RBFOX1: variants seen among roughly 807,000 people sequenced by gnomAD.
RBFOX1 encodes the protein RNA binding protein fox-1 homolog 1.
A neutral mutation model predicts 57.7 loss-of-function variants in RBFOX1; 8 were observed. The ratio of observed to expected loss-of-function variants is 0.14; its 90% CI spans 0.08 to 0.25. RBFOX1 has a LOEUF of 0.25. Ranked by LOEUF, RBFOX1 falls within the 10% of genes least tolerant of loss-of-function variation. The probability of loss-of-function intolerance (pLI) is 1.00; values close to 1 mark genes in which losing one functional copy is unlikely to be tolerated. For missense variants in RBFOX1, 611 were observed against 548.5 expected, an observed-to-expected ratio of 1.11 and a Z score of -1.14; for synonymous variants, 326 against 222.4, an observed-to-expected ratio of 1.47 and a Z score of -4.15.
intron 9 of RBFOX1, among the ~76,000 whole-genome samples, chr16:7,604,291 G>A (rs2095189987): frequency 6.6e-6 from 1 of 152,106 alleles, no homozygotes; most frequent in Non-Finnish European, 1.5e-5. Context: ...CAGTGGGAGT[G>A]GAGTAGCCTT....
rs560987679 is a variant in RBFOX1, at chr16:7,443,381, A to G, written c.28-74766A>G. 3.3e-5 allele frequency among the ~76,000 whole-genome samples: 5 copies of G among 151,630 alleles called. No individual in the cohort carries two copies. The East Asian group carries it at 5.9e-4, about 18-fold the overall frequency. ...TCCTGTCTCACACACTCTCTTTCAC[A>G]TTAATCATGTAATTGATTTAATAAG... On this transcript the variant is annotated intron_variant, in intron 4 of 15. Transcript: ENST00000550418.
intron 3 of RBFOX1, among the ~76,000 whole-genome samples, chr16:6,738,905 CT>C (rs2071236316): frequency 6.6e-6 from 1 of 152,050 alleles, no homozygotes; most frequent in Non-Finnish European, 1.5e-5. Flanking sequence ...AAAATGAAGT[CT>C]CATAATACAT....
chr16:5,961,167 G>C (rs1269428201), intron 4 of RBFOX1, among the ~76,000 whole-genome samples: 1 of 137,688 alleles, frequency 7.3e-6, no homozygotes, highest in East Asian at 2.1e-4. Flanking sequence ...AGAATTTTGA[G>C]CCTTTTTTTC....
At chr16:6,292,675 G>A (rs1029185682) in intron 1 of RBFOX1, among the ~76,000 whole-genome samples, 3 of 152,098 alleles carry the variant, frequency 2.0e-5, no homozygotes, top group South Asian at 4.1e-4. Flanking sequence ...CCTTCTAGGC[G>A]AATTGTTATA....
At chr16:5,527,216 GA>G (rs1231461596) in intron 2 of RBFOX1, among the ~76,000 whole-genome samples, 16 of 152,280 alleles carry the variant, frequency 1.1e-4, no homozygotes, top group African/African-American at 3.6e-4. Flanking sequence ...TCCTGATGAG[GA>G]CCCGCGATGG....
chr16:5,591,416 T>G (rs950060734), intron 2 of RBFOX1, among the ~76,000 whole-genome samples: 20 of 152,208 alleles, frequency 1.3e-4, no homozygotes, highest in African/African-American at 4.3e-4. Flanking sequence ...TGTGCTCGGT[T>G]AATTTTGTGT....
At chr16:7,344,508 A>T (rs1484076403) in intron 4 of RBFOX1, among the ~76,000 whole-genome samples, 1 of 150,952 alleles carries the variant, frequency 6.6e-6, no homozygotes. Context: ...ATAATTATAT[A>T]TAATGATTAG....
intron 4 of RBFOX1, among the ~76,000 whole-genome samples, chr16:5,973,827 C>G (rs574308254): frequency 6.6e-6 from 1 of 152,230 alleles, no homozygotes; most frequent in East Asian, 1.9e-4. Context: ...AATTATGTTC[C>G]ACATACTTGG....
rs79781440 is a variant in RBFOX1, at chr16:6,415,263, A to T, written c.-64+98206A>T. Among the ~76,000 whole-genome samples the T allele has an allele frequency of 0.018, 2,304 of 128,030 alleles. 157 individuals carry two copies. The East Asian group carries it at 0.25, about 14-fold the overall frequency. 84.0% of individuals were successfully genotyped at this position (128,030 alleles called of 152,430 possible). On this transcript the variant is annotated intron_variant, in intron 2 of 15. Transcript: ENST00000550418. ...GTCACAAAAAAAAAAAAAAAAAAAA[A>T]AAATAGCGTTCAGGTTGAGAAATCC... is the stretch of plus-strand genomic sequence containing the variant.
intron 2 of RBFOX1, among the ~76,000 whole-genome samples, chr16:6,399,435 C>G (rs2092977209): frequency 6.6e-6 from 1 of 152,210 alleles, no homozygotes; most frequent in African/African-American, 2.4e-5. Context: ...AGCAAAATGC[C>G]ACCAGACTCT....
intron 1 of RBFOX1, among the ~76,000 whole-genome samples, chr16:6,076,024 C>T (rs1183516195): frequency 2.6e-5 from 4 of 152,118 alleles, no homozygotes; most frequent in South Asian, 4.1e-4. Context: ...CTTGGCCGGG[C>T]GTGGTGGCTC....
chr16:5,697,531 TATTC>T (rs1279805027), intron 3 of RBFOX1, among the ~76,000 whole-genome samples: 3 of 79,492 alleles, frequency 3.8e-5, no homozygotes, highest in South Asian at 4.6e-4. Context: ...TTTTCTTTTC[TATTC>T]TTTTTTTTTT....
chr16:6,706,434 C>A (rs777327113), intron 3 of RBFOX1, among the ~76,000 whole-genome samples: 2 of 152,206 alleles, frequency 1.3e-5, no homozygotes, highest in Non-Finnish European at 2.9e-5. Context: ...TAATTAGTAG[C>A]CTCCCCTTCC....
intron 1 of RBFOX1, among the ~76,000 whole-genome samples, chr16:5,455,971 C>G (rs1478169697): frequency 6.6e-6 from 1 of 151,946 alleles, no homozygotes; most frequent in African/African-American, 2.4e-5. Flanking sequence ...TAAATTAAAT[C>G]TCATGATTTT....
At chr16:6,925,039 A>C (rs1321446386) in intron 3 of RBFOX1, among the ~76,000 whole-genome samples, 1 of 144,234 alleles carries the variant, frequency 6.9e-6, no homozygotes, top group African/African-American at 2.6e-5. Flanking sequence ...ATGGCTGCAT[A>C]ATATTCCATG....
At chr16:6,561,312 T>A (rs1404089046) in intron 2 of RBFOX1, among the ~76,000 whole-genome samples, 1 of 152,212 alleles carries the variant, frequency 6.6e-6, no homozygotes, top group Admixed American at 6.5e-5. Flanking sequence ...GGTTTCAGAA[T>A]TAATATGCAT....
intron 3 of RBFOX1, among the ~76,000 whole-genome samples, chr16:5,767,638 C>T (rs569868302): frequency 2.0e-5 from 3 of 152,094 alleles, no homozygotes; most frequent in African/African-American, 7.3e-5. Flanking sequence ...TTTGCCAGGA[C>T]ATTCTTGATG....
intron 4 of RBFOX1, among the ~76,000 whole-genome samples, chr16:7,264,297 G>T (rs562365175): frequency 7.0e-4 from 106 of 152,318 alleles, no homozygotes; most frequent in African/African-American, 2.4e-3. Flanking sequence ...AAAGCTGATA[G>T]GCACTAAAGC....
intron 1 of RBFOX1, among the ~76,000 whole-genome samples, chr16:6,067,290 C>T (rs1001219640): frequency 3.3e-5 from 5 of 152,126 alleles, no homozygotes; most frequent in African/African-American, 1.2e-4. Context: ...GGGCTGTACT[C>T]TTAAAAGCCA....
Sources: allele counts gnomAD v4.1 joint callset (sites outside exome capture counted in the v4.1 genomes callset), GRCh38; gene constraint gnomAD v4.1.1; transcripts MANE v1.5; gene names NCBI Gene and HGNC (gene_info 2026-07-23, HGNC 2026-07-21).